Variants in CFAP20DC observed in about 807,000 individuals in gnomAD.
CFAP20DC encodes the protein protein CFAP20DC.
A neutral mutation model predicts 101.7 loss-of-function variants in CFAP20DC; 84 were observed. The observed-to-expected ratio is 0.83, with a 90% CI of 0.69 to 0.99. The LOEUF (loss-of-function observed/expected upper bound fraction) is 0.99, where lower values mean the gene tolerates loss of function less well. CFAP20DC is among the 50% of genes least tolerant of loss of function. The pLI is 0.00. For synonymous variants in CFAP20DC, 359 were observed against 351.2 expected (o/e 1.02, Z -0.25); for missense variants, 1,007 against 970.3 (o/e 1.04, Z -0.50).
At chr3:59,008,235 T>C (rs962863221) in intron 4 of CFAP20DC, among the ~76,000 whole-genome samples, 5 of 152,140 alleles carry the variant, frequency 3.3e-5, no homozygotes, top group Admixed American at 1.3e-4. Flanking sequence ...CTGATGTGAA[T>C]AGCTAAAACA....
chr3:58,890,751 T>C (rs1335639781), intron 6 of CFAP20DC, among the ~76,000 whole-genome samples: 15 of 100,450 alleles, frequency 1.5e-4, no homozygotes, highest in South Asian at 7.2e-4. Flanking sequence ...CAGACGGGGT[T>C]GCGGCCGGGC....
At chr3:58,991,302 C>T (rs913422885) in intron 4 of CFAP20DC, among the ~76,000 whole-genome samples, 2 of 152,150 alleles carry the variant, frequency 1.3e-5, no homozygotes, top group Admixed American at 6.5e-5. Context: ...CTGACAGAGG[C>T]TCAGTAACAA....
At chr3:58,746,947 T>C (rs764570857) in intron 16 of CFAP20DC, among the ~76,000 whole-genome samples, 13 of 152,266 alleles carry the variant, frequency 8.5e-5, no homozygotes, top group Middle Eastern at 6.8e-3. Flanking sequence ...ATGTCAAGCA[T>C]TGGGAAATGT....
At chr3:58,850,140 CAT>C (rs1367165067) in intron 12 of CFAP20DC, among the ~76,000 whole-genome samples, 1 of 152,042 alleles carries the variant, frequency 6.6e-6, no homozygotes, top group African/African-American at 2.4e-5. Context: ...GAATTACAAA[CAT>C]GAAATCAATG....
In CFAP20DC at chr3:58,861,777, C is replaced by T. The variant is rs955915861; in HGVS notation, c.1593+1781G>A. 1.0e-4 allele frequency: 103 copies of T among 985,306 alleles called. No individual in the cohort carries two copies. The highest frequency in any genetic ancestry group is 1.2e-4 in the Non-Finnish European group (98 of 829,950). The allele number at this position is 985,306 out of a possible 1,614,324, so 61.0% of individuals were successfully genotyped here. A position where few individuals can be genotyped will look rare whatever the true frequency, so the allele number is the denominator to read the frequency against. ...GCCAGTGTTGGCAATGGGATGGTCT[C>T]ACCACAGACTCTAGCCGTATGCTAC... On this transcript the variant is annotated intron_variant, in intron 12 of 16. Transcript: ENST00000482387. The surrounding 1 kb of genome is among the most constrained non-coding windows in gnomAD (Gnocchi z 4.0).
At chr3:58,880,164 C>A (rs749800074) in intron 7 of CFAP20DC, among the ~76,000 whole-genome samples, 4 of 152,080 alleles carry the variant, frequency 2.6e-5, no homozygotes, top group Non-Finnish European at 5.9e-5. Context: ...GGATATGATA[C>A]TAGAAGTAAA....
chr3:58,873,726 G>T (rs2108560327), intron 7 of CFAP20DC, among the ~76,000 whole-genome samples: 1 of 152,146 alleles, frequency 6.6e-6, no homozygotes, highest in East Asian at 1.9e-4. Flanking sequence ...AGCTATTCTG[G>T]ATGCAGTTAG....
chr3:58,755,840 G>A (rs2068908886), intron 15 of CFAP20DC, among the ~76,000 whole-genome samples: 1 of 152,014 alleles, frequency 6.6e-6, no homozygotes, highest in Non-Finnish European at 1.5e-5. Context: ...ATCTAAACAG[G>A]AATCAGCAAA....
intron 4 of CFAP20DC, among the ~76,000 whole-genome samples, chr3:58,983,947 T>C (rs1418254819): frequency 6.6e-6 from 1 of 152,210 alleles, no homozygotes; most frequent in Non-Finnish European, 1.5e-5. Flanking sequence ...ATATATACTG[T>C]CTTCACCCTT....
At chr3:58,757,878 A>C (rs1423261425) in intron 15 of CFAP20DC, among the ~76,000 whole-genome samples, 1 of 152,162 alleles carries the variant, frequency 6.6e-6, no homozygotes, top group Admixed American at 6.6e-5. Flanking sequence ...TTACTAAGTA[A>C]GCATTTACAA....
At chr3:58,879,305 A>C (rs2081041133) in intron 7 of CFAP20DC, among the ~76,000 whole-genome samples, 1 of 152,150 alleles carries the variant, frequency 6.6e-6, no homozygotes, top group Non-Finnish European at 1.5e-5. Flanking sequence ...TACCCCATAA[A>C]TTTGTACAAT....
At position 58,763,183 on chromosome 3, in the gene CFAP20DC, C is replaced by A. The variant is rs577602715; in HGVS notation, c.2238-9320G>T. Among the ~76,000 whole-genome samples, 9 of 152,310 alleles carry A rather than the reference C, an allele frequency of 5.9e-5. No individual in the cohort carries two copies. The South Asian group carries it at 1.9e-3, about 32-fold the overall frequency. On this transcript the variant is annotated intron_variant, in intron 15 of 16. Transcript: ENST00000482387. The stretch of plus-strand genomic sequence containing the variant: ...ATCACTTTCAGGTACACCAATCAGA[C>A]GTAGATTTGGTCTTTTCACATAGTC...
intron 14 of CFAP20DC, among the ~76,000 whole-genome samples, chr3:58,827,140 G>T (rs138924130): frequency 2.1e-4 from 32 of 152,174 alleles, no homozygotes; most frequent in African/African-American, 7.5e-4. Context: ...TTCATTAATT[G>T]TAACAAATTA....
At chr3:58,725,367 G>A (rs9814023) in intron 3 of CFAP20DC, among the ~76,000 whole-genome samples, 17,475 of 152,088 alleles carry the variant, frequency 0.11, 1,792 homozygotes, top group East Asian at 0.36. Context: ...CTGGGTTGCC[G>A]GTTGTTGTGG....
At chr3:58,820,991 A>G (rs1186456149) in intron 14 of CFAP20DC, among the ~76,000 whole-genome samples, 14 of 151,670 alleles carry the variant, frequency 9.2e-5, no homozygotes, top group African/African-American at 3.4e-4. Context: ...ATAACGCCAC[A>G]TATCTACAAT....
chr3:58,831,637 C>T, intron 14 of CFAP20DC, 49 bp downstream of exon 14: 1 of 1,538,036 alleles, frequency 6.5e-7, no homozygotes, highest in Non-Finnish European at 9.0e-7. Flanking sequence ...TAGAAAAAAG[C>T]TTGCTCCTTG....
chr3:58,804,996 T>G (rs2073956793), intron 15 of CFAP20DC, among the ~76,000 whole-genome samples: 2 of 152,224 alleles, frequency 1.3e-5, no homozygotes, highest in South Asian at 4.1e-4. Context: ...TTTACTCATC[T>G]GTGTCATGAA....
chr3:58,831,165 A>G (rs1380343077), intron 14 of CFAP20DC, among the ~76,000 whole-genome samples: 1 of 152,254 alleles, frequency 6.6e-6, no homozygotes, highest in Non-Finnish European at 1.5e-5. Flanking sequence ...ATGGAAACAC[A>G]TGGGAATATA....
At chr3:58,723,997 A>C (rs1348820010) in intron 3 of CFAP20DC, among the ~76,000 whole-genome samples, 1 of 152,218 alleles carries the variant, frequency 6.6e-6, no homozygotes, top group Non-Finnish European at 1.5e-5. Context: ...TAGAGGACAA[A>C]CATTCATTCG....
Sources: allele counts gnomAD v4.1 joint callset (sites outside exome capture counted in the v4.1 genomes callset), GRCh38; gene constraint gnomAD v4.1.1; non-coding constraint Gnocchi (gnomAD v3.1); transcripts MANE v1.5; gene names NCBI Gene and HGNC (gene_info 2026-07-23, HGNC 2026-07-21).